Variants in KMT5B observed in about 807,000 individuals in gnomAD.
KMT5B encodes lysine methyltransferase 5B.
A neutral mutation model predicts 83.2 loss-of-function variants in KMT5B; 10 were observed. The ratio of observed to expected loss-of-function variants is 0.12; its 90% CI spans 0.07 to 0.20. The LOEUF is 0.20. Ranked by LOEUF, KMT5B falls within the 10% of genes least tolerant of loss-of-function variation. The pLI is 1.00. For missense variants in KMT5B, 753 were observed against 1,067.2 expected, an observed-to-expected ratio of 0.71 and a Z score of 4.10; for synonymous variants, 349 against 388.8, an observed-to-expected ratio of 0.90 and a Z score of 1.20.
At chr11:68,175,288 G>A (rs1018757658) in intron 4 of KMT5B, 105 bp from the exon 5 acceptor site, 1 of 786,512 alleles carries the variant, frequency 1.3e-6, no homozygotes. Context: ...AAACAGCCAT[G>A]GTTATCAGAG....
intron 10 of KMT5B, chr11:68,166,263 G>A: frequency 8.7e-7 from 1 of 1,150,128 alleles, no homozygotes; most frequent in Non-Finnish European, 1.1e-6. Context: ...GCTTTCCTTT[G>A]CCCATTTAGG....
In KMT5B at chr11:68,189,993, A is replaced by C; in HGVS notation, c.84T>G (p.Asn28Lys). 4 of 1,614,122 alleles carry C rather than the reference A, an allele frequency of 2.5e-6. No individual in the cohort carries two copies. Among genetic ancestry groups the C allele is most frequent in the Non-Finnish European group, 3.4e-6 (4 of 1,180,012 alleles). ...GGKLSNDHQQ[N>K]QSKLQHTGKD... ...TCCCCGTGTGCTGTAATTTTGATTG[A>C]TTCTGCTGATGGTCATTAGACAACT... Residue 28 changes from asparagine (N) to lysine (K), a missense_variant, in exon 2 of 11, where the codon AAT becomes AAG. Asn to Lys is a moderately conservative substitution (Grantham distance 94). Coordinates refer to ENST00000304363, the MANE Select transcript of KMT5B (RefSeq NM_017635.5).
At chr11:68,211,325 G>T (rs1190147806) in intron 1 of KMT5B, among the ~76,000 whole-genome samples, 1 of 152,168 alleles carries the variant, frequency 6.6e-6, no homozygotes, top group East Asian at 1.9e-4. Context: ...GCAGTTCAGG[G>T]TGTTTGGGAA....
At chr11:68,166,334 T>C in intron 10 of KMT5B, 1 of 1,048,526 alleles carries the variant, frequency 9.5e-7, no homozygotes, top group African/African-American at 1.7e-5. Flanking sequence ...TTCCATCAGA[T>C]CTTGCCCCCA....
intron 1 of KMT5B, among the ~76,000 whole-genome samples, chr11:68,205,145 C>CAA (rs58389289): frequency 2.8e-5 from 4 of 142,902 alleles, no homozygotes; most frequent in African/African-American, 5.1e-5. Flanking sequence ...TCATCTCTAC[C>CAA]AAAAAAAAAA....
intron 1 of KMT5B, among the ~76,000 whole-genome samples, chr11:68,193,859 G>A (rs1424981419): frequency 6.6e-6 from 1 of 151,104 alleles, no homozygotes; most frequent in Non-Finnish European, 1.5e-5. Flanking sequence ...GGAGTGCAGT[G>A]GTGTGATGAT....
chr11:68,167,894 A>G (rs2512616), intron 9 of KMT5B, among the ~76,000 whole-genome samples: 152,317 of 152,318 alleles, frequency 1, 76,158 homozygotes, highest in Non-Finnish European at 1. Flanking sequence ...AAAGTGGGCC[A>G]GGCATGGTGG....
At chr11:68,208,830 G>A (rs892029908) in intron 1 of KMT5B, among the ~76,000 whole-genome samples, 2 of 152,174 alleles carry the variant, frequency 1.3e-5, no homozygotes, top group African/African-American at 4.8e-5. Context: ...CAGCCTGGGA[G>A]GCTACAAGAC....
intron 10 of KMT5B, among the ~76,000 whole-genome samples, chr11:68,163,450 T>C (rs1855030840): frequency 6.6e-6 from 1 of 152,170 alleles, no homozygotes; most frequent in African/African-American, 2.4e-5. Flanking sequence ...GGCCTCAACT[T>C]ACGGGTAAAG....
chr11:68,182,500 C>T (rs1857032776), intron 3 of KMT5B, among the ~76,000 whole-genome samples: 1 of 152,096 alleles, frequency 6.6e-6, no homozygotes, highest in South Asian at 2.1e-4. Flanking sequence ...ACTCTGTGGC[C>T]CAGGCTGGAG....
chr11:68,205,311 T>A (rs1002547880), intron 1 of KMT5B, among the ~76,000 whole-genome samples: 1 of 151,784 alleles, frequency 6.6e-6, no homozygotes, highest in Non-Finnish European at 1.5e-5. Context: ...GAGTGAGACC[T>A]CACCTTTAAA....
chr11:68,180,344 T>A, intron 3 of KMT5B, 144 bp from the exon 4 acceptor site: 2 of 1,094,576 alleles, frequency 1.8e-6, no homozygotes, highest in Non-Finnish European at 2.6e-6. Context: ...ATACCACAGG[T>A]GGGCGCGGCA....
chr11:68,161,027 C>A (rs1459303790), intron 10 of KMT5B, among the ~76,000 whole-genome samples: 1 of 152,186 alleles, frequency 6.6e-6, no homozygotes, highest in African/African-American at 2.4e-5. Context: ...CAGCAGAATT[C>A]ACAGCAAAGG....
intron 3 of KMT5B, among the ~76,000 whole-genome samples, 200 bp from the exon 4 acceptor site, chr11:68,180,400 A>T (rs1856809341): frequency 6.6e-6 from 1 of 152,192 alleles, no homozygotes; most frequent in African/African-American, 2.4e-5. Context: ...CATAGAACAC[A>T]CCTTACCATG....
At chr11:68,193,286 C>G (rs777275901) in intron 1 of KMT5B, among the ~76,000 whole-genome samples, 51 of 152,306 alleles carry the variant, frequency 3.3e-4, no homozygotes, top group Non-Finnish European at 6.6e-4. Context: ...CTACACCAGA[C>G]GCAGGTCAAT....
At chr11:68,212,255 C>T (rs1481967850) in intron 1 of KMT5B, among the ~76,000 whole-genome samples, 2 of 152,152 alleles carry the variant, frequency 1.3e-5, no homozygotes, top group Non-Finnish European at 2.9e-5. Context: ...GAAAAAGGTC[C>T]ACATCACAAA....
intron 3 of KMT5B, among the ~76,000 whole-genome samples, chr11:68,181,736 T>C (rs1004626686): frequency 4.6e-5 from 7 of 152,242 alleles, no homozygotes; most frequent in African/African-American, 1.7e-4. Flanking sequence ...GATAGTTTTA[T>C]TTTCAAGTAA....
chr11:68,184,588 C>CT (rs934494751), intron 3 of KMT5B, among the ~76,000 whole-genome samples: 3 of 152,142 alleles, frequency 2.0e-5, no homozygotes, highest in African/African-American at 7.2e-5. Context: ...CAGTGACCAC[C>CT]TACCTGGGTA....
intron 1 of KMT5B, among the ~76,000 whole-genome samples, chr11:68,209,802 G>A (rs947669383): frequency 4.6e-5 from 7 of 151,958 alleles, no homozygotes; most frequent in Admixed American, 1.3e-4. Flanking sequence ...CTTGAGCCAC[G>A]TGTACCACCT....
Sources: allele counts gnomAD v4.1 joint callset (sites outside exome capture counted in the v4.1 genomes callset), GRCh38; gene constraint gnomAD v4.1.1; transcripts MANE v1.5; gene names NCBI Gene and HGNC (gene_info 2026-07-23, HGNC 2026-07-21).